Variants in DEXI observed in about 807,000 individuals in gnomAD.
The protein encoded by DEXI is dexamethasone-induced protein.
In DEXI, 2 loss-of-function variants were observed where a neutral mutation model predicts 2.5. That is an observed-to-expected ratio of 0.81 (90% confidence interval 0.33 to 2.55). The LOEUF is 2.55. DEXI is among the 30% of genes most tolerant of loss of function. The probability of loss-of-function intolerance (pLI) is 0.11; values close to 1 mark genes in which losing one functional copy is unlikely to be tolerated. For missense variants in DEXI, 108 were observed against 130.3 expected (o/e 0.83, Z 0.83); for synonymous variants, 71 against 68.7 (o/e 1.03, Z -0.17).
intron 1 of DEXI, chr16:10,933,588 A>G (rs1418957458): frequency 6.6e-6 from 1 of 152,270 alleles, no homozygotes; most frequent in Admixed American, 6.5e-5. Flanking sequence ...GTTTGTGTCC[A>G]TGGAGTGCCT....
In DEXI at chr16:10,937,163, C is replaced by T. The variant is rs925994420; in HGVS notation, c.*149+4406G>A. 2 of 152,318 alleles carry T rather than the reference C, an allele frequency of 1.3e-5. No individual in the cohort carries two copies. Among genetic ancestry groups the T allele is most frequent in the African/African-American group, 2.4e-5 (1 of 41,456 alleles). 9.4% of individuals were successfully genotyped at this position (152,318 alleles called of 1,614,324 possible). A position where few individuals can be genotyped will look rare whatever the true frequency, so the allele number is the denominator to read the frequency against. Reference sequence around the variant, plus strand: ...ACCAATGTACCCTATGGCCAAGGACCTTCTGGGTGAGCCTCATGTCAGGAG... The same window carrying T: ...ACCAATGTACCCTATGGCCAAGGACTTTCTGGGTGAGCCTCATGTCAGGAG... On this transcript the variant is annotated intron_variant, in intron 1 of 1. Transcript: ENST00000331808. The surrounding 1 kb of genome is among the most constrained non-coding windows in gnomAD (Gnocchi z 4.2).
rs2040944637 is a variant in DEXI at position 10,934,561 on chromosome 16, C to T, written c.*150-5002G>A. ...GGGGGAAACATCAGGACAGCGTGGC[C>T]AGGAGCCCAATGCTGCCACCTCATA... On this transcript the variant is annotated intron_variant, in intron 1 of 1. Transcript: ENST00000331808. The surrounding 1 kb of genome is among the most constrained non-coding windows in gnomAD (Gnocchi z 4.2). 6.6e-6 allele frequency: 1 copy of T among 152,228 alleles called. No homozygotes were observed. Among genetic ancestry groups the T allele is most frequent in the African/African-American group, 2.4e-5 (1 of 41,430 alleles). 9.4% of individuals were successfully genotyped at this position (152,228 alleles called of 1,614,324 possible).
At position 10,942,039 on chromosome 16, in the gene DEXI, C is replaced by T; in HGVS notation, c.-34G>A. 7.3e-7 allele frequency: 1 copy of T among 1,360,928 alleles called. No homozygotes were observed. The highest frequency in any genetic ancestry group is 9.4e-7 in the Non-Finnish European group (1 of 1,059,788). 84.3% of individuals were successfully genotyped at this position (1,360,928 alleles called of 1,614,324 possible). A position where few individuals can be genotyped will look rare whatever the true frequency, so the allele number is the denominator to read the frequency against. ...TGGCAAGGGCGGCGGCCCGGCGATC[C>T]CGGCGAACTCAGCCGCTGCGGCGCC... is the stretch of plus-strand genomic sequence containing the variant. On this transcript the variant is annotated 5_prime_UTR_variant, in exon 1 of 2. Transcript: ENST00000331808. The surrounding 1 kb of genome is among the most constrained non-coding windows in gnomAD (Gnocchi z 5.0).
chr16:10,937,903 T>G lies in DEXI; in HGVS notation c.*149+3666A>C, dbSNP rs1445866407. 3 of 152,216 alleles carry G rather than the reference T, an allele frequency of 2.0e-5. No homozygotes were observed. The highest frequency in any genetic ancestry group is 2.9e-5 in the Non-Finnish European group (2 of 68,074). 9.4% of individuals were successfully genotyped at this position (152,216 alleles called of 1,614,324 possible). ...AGCAAGAAAGTTCTCCTAAGGGTCC[T>G]GGGGCTGGGAAGGCAGAGTGGGAAG... On this transcript the variant is annotated intron_variant, in intron 1 of 1. Transcript: ENST00000331808. The surrounding 1 kb of genome is among the most constrained non-coding windows in gnomAD (Gnocchi z 4.2).
In DEXI at chr16:10,929,302, T is replaced by C; in HGVS notation, c.*407A>G. ...GGTGAAGTGGGGGAAGCAGGTGCGC[T>C]CCGGGATGAAGTGCAGGGAGGCAAA... On this transcript the variant is annotated 3_prime_UTR_variant, in exon 2 of 2. Coordinates refer to ENST00000331808, the MANE Select transcript of DEXI (RefSeq NM_014015.4). This position sits in a 1 kb window ranked among gnomAD's most constrained non-coding sequence, Gnocchi z 4.3. 1.0e-6 allele frequency: 1 copy of C among 985,900 alleles called. No homozygotes were observed. Among genetic ancestry groups the C allele is most frequent in the Non-Finnish European group, 1.2e-6 (1 of 829,972 alleles). The allele number at this position is 985,900 out of a possible 1,614,324, so 61.1% of individuals were successfully genotyped here.
At position 10,929,507 on chromosome 16, in the gene DEXI, T is replaced by G; in HGVS notation, c.*202A>C. The G allele has an allele frequency of 1.0e-6, 1 of 985,612 alleles. No individual in the cohort carries two copies. The highest frequency in any genetic ancestry group is 4.7e-5 in the South Asian group (1 of 21,288). 61.1% of individuals were successfully genotyped at this position (985,612 alleles called of 1,614,324 possible). A position where few individuals can be genotyped will look rare whatever the true frequency, so the allele number is the denominator to read the frequency against. ...AGTCCCAATCTCTCTTCCACTCTCCTGGGTTCAAACAGGAACCTCTCTGTT... is the reference window on the plus strand; with the variant it reads ...AGTCCCAATCTCTCTTCCACTCTCCGGGGTTCAAACAGGAACCTCTCTGTT... On this transcript the variant is annotated 3_prime_UTR_variant, in exon 2 of 2. Coordinates refer to ENST00000331808, the MANE Select transcript of DEXI (RefSeq NM_014015.4). This position sits in a 1 kb window ranked among gnomAD's most constrained non-coding sequence, Gnocchi z 4.3.
intron 1 of DEXI, chr16:10,936,177 G>A (rs1303670541): frequency 6.6e-6 from 1 of 151,466 alleles, no homozygotes; most frequent in Non-Finnish European, 1.5e-5. Flanking sequence ...CCTACTTTTT[G>A]TAGAGACGGG....
Position 10,934,124 on chromosome 16 carries a change from C to G in DEXI, c.*150-4565G>C, listed in dbSNP as rs1027272869. 1 of 152,274 alleles carries G rather than the reference C, an allele frequency of 6.6e-6. No individual in the cohort carries two copies. Among genetic ancestry groups the G allele is most frequent in the African/African-American group, 2.4e-5 (1 of 41,470 alleles). The allele number at this position is 152,274 out of a possible 1,614,324, so 9.4% of individuals were successfully genotyped here. The stretch of plus-strand genomic sequence containing the variant: ...CTTTGTGAAGATGCCTGGTCTACCA[C>G]GTGCCTCCAGCTGGTCACGCCCAAG... On this transcript the variant is annotated intron_variant, in intron 1 of 1. Transcript: ENST00000331808. This position sits in a 1 kb window ranked among gnomAD's most constrained non-coding sequence, Gnocchi z 4.2.
In DEXI at chr16:10,929,628, A is replaced by C. The variant is rs529098620; in HGVS notation, c.*150-69T>G. The C allele has an allele frequency of 1.1e-6, 1 of 941,844 alleles. No homozygotes were observed. Among genetic ancestry groups the C allele is most frequent in the South Asian group, 4.9e-5 (1 of 20,436 alleles). 58.3% of individuals were successfully genotyped at this position (941,844 alleles called of 1,614,324 possible). ...CCCTGCCACCAGGTTGGCTGGGGAC[A>C]GGGACCAATCCACCAGGCTCGGGAG... On this transcript the variant is annotated intron_variant, in intron 1 of 1. Transcript: ENST00000331808. The surrounding 1 kb of genome is among the most constrained non-coding windows in gnomAD (Gnocchi z 4.3).
chr16:10,935,682 C>T (rs965163648), intron 1 of DEXI: 3 of 152,200 alleles, frequency 2.0e-5, no homozygotes, highest in African/African-American at 4.8e-5. Flanking sequence ...AGAAAGGGGA[C>T]AGATGGCATG....
chr16:10,938,277 CCTGGCTCT>C lies in DEXI; in HGVS notation c.*149+3284_*149+3291del. The C allele has an allele frequency of 6.6e-6, 1 of 152,024 alleles. No homozygotes were observed. Among genetic ancestry groups the C allele is most frequent in the East Asian group, 1.9e-4 (1 of 5,164 alleles). The allele number at this position is 152,024 out of a possible 1,614,324, so 9.4% of individuals were successfully genotyped here. On this transcript the variant is annotated intron_variant, in intron 1 of 1. Transcript: ENST00000331808. This position sits in a 1 kb window ranked among gnomAD's most constrained non-coding sequence, Gnocchi z 4.9. ...CTACCCTGGGATGTGAACCCAGGGC[CCTGGCTCT>C]TAACCATGACCCTAATACTGCCTCC...
At position 10,942,075 on chromosome 16, in the gene DEXI, G is replaced by T. The variant is rs2041110396; in HGVS notation, c.-70C>A. ...AGCCGCTGCGGCGCCCGGGCGGCCGGCGAGGGCACAGCGCAGCCATCCAGG... is the reference window on the plus strand; with the variant it reads ...AGCCGCTGCGGCGCCCGGGCGGCCGTCGAGGGCACAGCGCAGCCATCCAGG... On this transcript the variant is annotated 5_prime_UTR_variant, in exon 1 of 2. Transcript: ENST00000331808. This position sits in a 1 kb window ranked among gnomAD's most constrained non-coding sequence, Gnocchi z 5.0. 7.8e-7 allele frequency: 1 copy of T among 1,278,296 alleles called. No homozygotes were observed. The highest frequency in any genetic ancestry group is 1.0e-6 in the Non-Finnish European group (1 of 997,628). 79.2% of individuals were successfully genotyped at this position (1,278,296 alleles called of 1,614,324 possible).
At chr16:10,935,481 TG>T (rs1449754260) in intron 1 of DEXI, 3 of 152,270 alleles carry the variant, frequency 2.0e-5, no homozygotes, top group Non-Finnish European at 4.4e-5. Flanking sequence ...TGCCAAGCGA[TG>T]ATGATTTTCT....
rs1339510261 is a variant in DEXI, at chr16:10,938,098, A to T, written c.*149+3471T>A. On this transcript the variant is annotated intron_variant, in intron 1 of 1. Transcript: ENST00000331808. This position sits in a 1 kb window ranked among gnomAD's most constrained non-coding sequence, Gnocchi z 4.9. The stretch of plus-strand genomic sequence containing the variant: ...TATCCGACTATGAATATGAGTGGTT[A>T]ATATTAATACATCTCTTACTATATA... 1 of 152,218 alleles carries T rather than the reference A, an allele frequency of 6.6e-6. No individual in the cohort carries two copies. Among genetic ancestry groups the T allele is most frequent in the Non-Finnish European group, 1.5e-5 (1 of 68,046 alleles). The allele number at this position is 152,218 out of a possible 1,614,324, so 9.4% of individuals were successfully genotyped here.
rs1469612006 is a variant in DEXI, at chr16:10,941,034, G to C, written c.*149+535C>G. The C allele has an allele frequency of 3.3e-5, 5 of 152,278 alleles. No individual in the cohort carries two copies. The highest frequency in any genetic ancestry group is 7.3e-5 in the Non-Finnish European group (5 of 68,122). The allele number at this position is 152,278 out of a possible 1,614,324, so 9.4% of individuals were successfully genotyped here. A position where few individuals can be genotyped will look rare whatever the true frequency, so the allele number is the denominator to read the frequency against. Reference sequence around the variant, plus strand: ...CAAACCCAAGGCCAAAAGGAAGTACGGGCTTCTTTGCTTGCGATTTCTCCT... The same window carrying C: ...CAAACCCAAGGCCAAAAGGAAGTACCGGCTTCTTTGCTTGCGATTTCTCCT... On this transcript the variant is annotated intron_variant, in intron 1 of 1. Coordinates refer to ENST00000331808, the MANE Select transcript of DEXI (RefSeq NM_014015.4). The surrounding 1 kb of genome is among the most constrained non-coding windows in gnomAD (Gnocchi z 6.4).
In DEXI at chr16:10,941,769, G is replaced by A. The variant is rs765782979; in HGVS notation, c.237C>T (p.Gly79=). ...CGAGCTCCGAGTCAGCATCGTAAAG[G>A]CCCGAGCCGGGGTCGGAGAGCACGC... ...DLGVLSDPGS[G]LYDADSELDV... Residue 79 remains glycine, a synonymous_variant, in exon 1 of 2, where the codon GGC becomes GGT. Transcript: ENST00000331808. This position sits in a 1 kb window ranked among gnomAD's most constrained non-coding sequence, Gnocchi z 6.4. The A allele has an allele frequency of 4.3e-5, 70 of 1,613,394 alleles. No homozygotes were observed. Among genetic ancestry groups the A allele is most frequent in the Non-Finnish European group, 5.8e-5 (68 of 1,179,770 alleles).
Position 10,939,124 on chromosome 16 carries a change from G to A in DEXI, c.*149+2445C>T, listed in dbSNP as rs76045301. 712 of 152,258 alleles carry A rather than the reference G, an allele frequency of 4.7e-3. 5 individuals are homozygous for A. The highest frequency in any genetic ancestry group is 0.017 in the Middle Eastern group (5 of 294). 9.4% of individuals were successfully genotyped at this position (152,258 alleles called of 1,614,324 possible). On this transcript the variant is annotated intron_variant, in intron 1 of 1. Coordinates refer to ENST00000331808, the MANE Select transcript of DEXI (RefSeq NM_014015.4). This position sits in a 1 kb window ranked among gnomAD's most constrained non-coding sequence, Gnocchi z 4.9. The stretch of plus-strand genomic sequence containing the variant: ...GCAAAGGGCCTAGACACAGGAGTGC[G>A]ATACAATCAATGCTCAGTACAGATT...
Position 10,942,116 on chromosome 16 carries a change from G to T in DEXI, c.-111C>A. ...GCCATCCAGGGGTACCCTGGAGCCCGACAGAAGCAGGGCCGGGCTCCAGAT... is the reference window on the plus strand; with the variant it reads ...GCCATCCAGGGGTACCCTGGAGCCCTACAGAAGCAGGGCCGGGCTCCAGAT... On this transcript the variant is annotated 5_prime_UTR_variant, in exon 1 of 2. Transcript: ENST00000331808. The surrounding 1 kb of genome is among the most constrained non-coding windows in gnomAD (Gnocchi z 5.0). 1 of 802,924 alleles carries T rather than the reference G, an allele frequency of 1.2e-6. No individual in the cohort carries two copies. The highest frequency in any genetic ancestry group is 1.8e-6 in the Non-Finnish European group (1 of 570,342). 49.7% of individuals were successfully genotyped at this position (802,924 alleles called of 1,614,324 possible). A position where few individuals can be genotyped will look rare whatever the true frequency, so the allele number is the denominator to read the frequency against.
rs1207391873 is a variant in DEXI at position 10,939,570 on chromosome 16, T to G, written c.*149+1999A>C. 1 of 152,244 alleles carries G rather than the reference T, an allele frequency of 6.6e-6. No individual in the cohort carries two copies. 9.4% of individuals were successfully genotyped at this position (152,244 alleles called of 1,614,324 possible). ...CTGATTCCCTCAGCCTGGACTGCTT[T>G]TCTCCAGATCCTTCTATCAAATTAA... On this transcript the variant is annotated intron_variant, in intron 1 of 1. Coordinates refer to ENST00000331808, the MANE Select transcript of DEXI (RefSeq NM_014015.4). The surrounding 1 kb of genome is among the most constrained non-coding windows in gnomAD (Gnocchi z 4.9).
Sources: allele counts gnomAD v4.1 joint callset, GRCh38; gene constraint gnomAD v4.1.1; non-coding constraint Gnocchi (gnomAD v3.1); transcripts MANE v1.5; gene names NCBI Gene and HGNC (gene_info 2026-07-23, HGNC 2026-07-21).